ULK4: variants seen among roughly 807,000 people sequenced by gnomAD.
ULK4 encodes the protein inactive serine/threonine-protein kinase ULK4.
ULK4 carries 133 observed loss-of-function variants against 160.6 expected under a neutral mutation model. That is an observed-to-expected ratio of 0.83 (90% CI 0.72 to 0.96). The LOEUF (loss-of-function observed/expected upper bound fraction) is 0.96, where lower values mean the gene tolerates loss of function less well. Ranked by LOEUF, ULK4 falls within the 40% of genes least tolerant of loss-of-function variation. The pLI is 0.00. For missense variants in ULK4, 1,580 were observed against 1,499.5 expected, an observed-to-expected ratio of 1.05 and a Z score of -0.89; for synonymous variants, 534 against 539.8, an observed-to-expected ratio of 0.99 and a Z score of 0.15.
chr3:41,624,725 T>C (rs1220621330), intron 30 of ULK4, among the ~76,000 whole-genome samples: 2 of 152,180 alleles, frequency 1.3e-5, no homozygotes, highest in Non-Finnish European at 2.9e-5. Context: ...GTAAGCCTAA[T>C]AAGGACGATA....
intron 30 of ULK4, among the ~76,000 whole-genome samples, chr3:41,660,061 G>A (rs1291923812): frequency 6.6e-6 from 1 of 152,158 alleles, no homozygotes; most frequent in Non-Finnish European, 1.5e-5. Context: ...AGGGCAAGGT[G>A]GGCGTATCAC....
At chr3:41,790,254 C>T (rs2040111176) in intron 20 of ULK4, among the ~76,000 whole-genome samples, 1 of 152,196 alleles carries the variant, frequency 6.6e-6, no homozygotes. Flanking sequence ...AAGATTACCT[C>T]AATTAATTCT....
chr3:41,516,007 G>GTA (rs1340991889), intron 32 of ULK4, among the ~76,000 whole-genome samples: 1 of 152,088 alleles, frequency 6.6e-6, no homozygotes, highest in Non-Finnish European at 1.5e-5. Flanking sequence ...GTATACAGCT[G>GTA]TATAAATTCA....
intron 35 of ULK4, among the ~76,000 whole-genome samples, chr3:41,392,897 C>A (rs1022607636): frequency 1.1e-4 from 16 of 152,130 alleles, no homozygotes; most frequent in African/African-American, 3.9e-4. Context: ...GTGAGCCAAG[C>A]CTGAGAGTTG....
chr3:41,528,531 A>G (rs75287890), intron 32 of ULK4, among the ~76,000 whole-genome samples: 4,295 of 152,302 alleles, frequency 0.028, 182 homozygotes, highest in African/African-American at 0.093. Flanking sequence ...AAGTATTATT[A>G]TGGCCACTTT....
At chr3:41,419,607 C>T (rs2082613202) in intron 34 of ULK4, among the ~76,000 whole-genome samples, 1 of 152,066 alleles carries the variant, frequency 6.6e-6, no homozygotes, top group Non-Finnish European at 1.5e-5. Context: ...TTTAGGGAAA[C>T]CTCACCATTT....
At chr3:41,476,121 A>G (rs2084136151) in intron 32 of ULK4, among the ~76,000 whole-genome samples, 1 of 152,032 alleles carries the variant, frequency 6.6e-6, no homozygotes, top group Admixed American at 6.6e-5. Context: ...CTGGGTTTGC[A>G]TAGGGCTGAC....
chr3:41,587,744 G>T (rs1397104861), intron 31 of ULK4, among the ~76,000 whole-genome samples: 1 of 152,106 alleles, frequency 6.6e-6, no homozygotes, highest in Non-Finnish European at 1.5e-5. Flanking sequence ...ATTACTATAT[G>T]AATTGAAAAC....
intron 35 of ULK4, among the ~76,000 whole-genome samples, chr3:41,384,121 A>G (rs752724889): frequency 6.6e-6 from 1 of 152,154 alleles, no homozygotes; most frequent in Non-Finnish European, 1.5e-5. Context: ...CTCTTAACCA[A>G]GCAATTAAAC....
At chr3:41,438,108 TAAAAAAA>T (rs11457444) in intron 34 of ULK4, among the ~76,000 whole-genome samples, 1 of 122,918 alleles carries the variant, frequency 8.1e-6, no homozygotes, top group African/African-American at 3.0e-5. Context: ...TGTTTATTGT[TAAAAAAA>T]AAAAAAAAAA....
intron 17 of ULK4, among the ~76,000 whole-genome samples, chr3:41,865,401 A>G (rs2042594426): frequency 6.6e-6 from 1 of 150,802 alleles, no homozygotes. Context: ...TTTGTGAGTC[A>G]CTAATAACCC....
chr3:41,493,598 T>C lies in ULK4; in HGVS notation c.3227-30345A>G, dbSNP rs1317345087. Among the ~76,000 whole-genome samples the C allele has an allele frequency of 3.2e-5, 4 of 126,848 alleles. 1 individual carries two copies. The highest frequency in any genetic ancestry group is 1.2e-4 in the African/African-American group (4 of 33,322). 83.2% of individuals were successfully genotyped at this position (126,848 alleles called of 152,430 possible). Reference sequence around the variant, plus strand: ...AAAATCAGAGCAGAACTGAAGCAAATACAGACACAAAAAACCCTTCAAAAA... The same window carrying C: ...AAAATCAGAGCAGAACTGAAGCAAACACAGACACAAAAAACCCTTCAAAAA... On this transcript the variant is annotated intron_variant, in intron 32 of 36. Transcript: ENST00000301831.
At chr3:41,624,916 T>G (rs1260831928) in intron 30 of ULK4, among the ~76,000 whole-genome samples, 2 of 152,198 alleles carry the variant, frequency 1.3e-5, no homozygotes, top group Non-Finnish European at 2.9e-5. Context: ...TTTTTTTTGC[T>G]AGACATCAAG....
chr3:41,472,637 TC>T lies in ULK4; in HGVS notation c.3227-9385del, dbSNP rs2084023497. Among the ~76,000 whole-genome samples, 6 of 152,064 alleles carry T rather than the reference TC, an allele frequency of 3.9e-5. No homozygotes were observed. The South Asian group carries it at 1.2e-3, about 32-fold the overall frequency. The stretch of plus-strand genomic sequence containing the variant: ...AGATTGAATAAATAGTAAAAAGTCT[TC>T]CGTCAAAGAAAAGCCCAGGACCTAA... On this transcript the variant is annotated intron_variant, in intron 32 of 36. Coordinates refer to ENST00000301831, the MANE Select transcript of ULK4 (RefSeq NM_017886.4).
At chr3:41,483,621 T>A (rs2084404091) in intron 32 of ULK4, among the ~76,000 whole-genome samples, 1 of 152,172 alleles carries the variant, frequency 6.6e-6, no homozygotes, top group African/African-American at 2.4e-5. Context: ...ATTTAAATGA[T>A]GTTTTGAGAA....
chr3:41,764,182 A>AT (rs2039081560), intron 21 of ULK4, among the ~76,000 whole-genome samples: 4 of 152,328 alleles, frequency 2.6e-5, no homozygotes, highest in Admixed American at 1.3e-4. Context: ...CTTACACGTG[A>AT]TTTAGCTATG....
intron 17 of ULK4, among the ~76,000 whole-genome samples, chr3:41,847,878 A>G (rs2042109592): frequency 6.6e-6 from 1 of 152,318 alleles, no homozygotes; most frequent in South Asian, 2.1e-4. Flanking sequence ...AAAAAAGAAA[A>G]TGGACATACT....
At chr3:41,571,884 G>T (rs1254469155) in intron 31 of ULK4, among the ~76,000 whole-genome samples, 4 of 152,182 alleles carry the variant, frequency 2.6e-5, no homozygotes, top group Non-Finnish European at 5.9e-5. Context: ...AGAGATGAAA[G>T]CAGGTGAAGA....
chr3:41,483,370 C>T (rs1271152574), intron 32 of ULK4, among the ~76,000 whole-genome samples: 1 of 152,068 alleles, frequency 6.6e-6, no homozygotes, highest in Non-Finnish European at 1.5e-5. Flanking sequence ...TACTGACTTC[C>T]TACCATGGAA....
Sources: gnomAD v4.1 joint callset for allele counts (sites outside exome capture counted in the v4.1 genomes callset) on GRCh38, gnomAD v4.1.1 for gene constraint, MANE v1.5 for transcripts, NCBI Gene and HGNC (gene_info 2026-07-23, HGNC 2026-07-21) for gene names.